FSTL4: variants seen among roughly 807,000 people sequenced by gnomAD.
FSTL4 encodes follistatin like 4.
A neutral mutation model predicts 78.2 loss-of-function variants in FSTL4; 28 were observed. The ratio of observed to expected loss-of-function variants is 0.36; its 90% confidence interval spans 0.27 to 0.49. The LOEUF is 0.49. Among genes scored for constraint, FSTL4 ranks in the 20% least tolerant of loss-of-function variants. The probability of loss-of-function intolerance (pLI) is 0.98; values close to 1 mark genes in which losing one functional copy is unlikely to be tolerated. For missense variants in FSTL4, 922 were observed against 1,084.9 expected (o/e 0.85, Z 2.11); for synonymous variants, 422 against 440.5 (o/e 0.96, Z 0.53).
chr5:133,763,835 C>T, the FSTL4 span, among the ~76,000 whole-genome samples: 1 of 152,232 alleles, frequency 6.6e-6, no homozygotes, highest in Non-Finnish European at 1.5e-5. Context: ...CCTGACCCTT[C>T]TCCACCTCTG....
intron 3 of FSTL4, among the ~76,000 whole-genome samples, chr5:133,483,622 G>A (rs572441183): frequency 1.3e-5 from 2 of 152,344 alleles, no homozygotes; most frequent in African/African-American, 4.8e-5. Flanking sequence ...CCAAGGCCAG[G>A]TCATGATCCA....
chr5:133,666,537 G>T, the FSTL4 span, among the ~76,000 whole-genome samples: 1 of 150,756 alleles, frequency 6.6e-6, no homozygotes, highest in Admixed American at 6.6e-5. Flanking sequence ...ATGGTTAAAG[G>T]ATATTTAAAA....
intron 3 of FSTL4, among the ~76,000 whole-genome samples, chr5:133,547,062 A>C (rs940642953): frequency 5.3e-5 from 8 of 152,320 alleles, no homozygotes; most frequent in Admixed American, 3.9e-4. Flanking sequence ...GAATGGAATC[A>C]CCATAAAGAC....
chr5:133,687,928 A>G, the FSTL4 span, among the ~76,000 whole-genome samples: 1 of 152,208 alleles, frequency 6.6e-6, no homozygotes, highest in Admixed American at 6.5e-5. Context: ...CCCAGGTCCC[A>G]GATGGCTCAC....
chr5:133,455,245 C>G (rs1169573919), intron 3 of FSTL4, among the ~76,000 whole-genome samples: 1 of 152,198 alleles, frequency 6.6e-6, no homozygotes, highest in Non-Finnish European at 1.5e-5. Flanking sequence ...GGCTCCTCTT[C>G]TTGGTACTTC....
At chr5:133,321,048 A>T (rs1324997860) in intron 4 of FSTL4, among the ~76,000 whole-genome samples, 1 of 151,020 alleles carries the variant, frequency 6.6e-6, no homozygotes, top group African/African-American at 2.4e-5. Context: ...TTTGGGCAAG[A>T]AAGTGTCAAC....
chr5:133,834,928 G>A, the FSTL4 span, among the ~76,000 whole-genome samples: 1 of 151,974 alleles, frequency 6.6e-6, no homozygotes. Flanking sequence ...AGGGTTATGA[G>A]TGAATTTTTT....
upstream of FSTL4, among the ~76,000 whole-genome samples, chr5:133,615,800 T>C (rs1761189130): frequency 6.6e-6 from 1 of 152,188 alleles, no homozygotes; most frequent in African/African-American, 2.4e-5. Context: ...AGCATGGAGA[T>C]AAGGTATTCA....
chr5:133,398,415 G>T (rs1401092895), intron 4 of FSTL4, among the ~76,000 whole-genome samples: 1 of 152,126 alleles, frequency 6.6e-6, no homozygotes, highest in Non-Finnish European at 1.5e-5. Flanking sequence ...AGCAATGAGT[G>T]TCTGCCTGAC....
intron 4 of FSTL4, among the ~76,000 whole-genome samples, chr5:133,358,721 T>A (rs370879084): frequency 6.7e-6 from 1 of 150,156 alleles, no homozygotes; most frequent in East Asian, 2.0e-4. Context: ...TGCCTCAGCC[T>A]CCTGAGTAGC....
At chr5:133,265,579 A>G (rs993427651) in intron 6 of FSTL4, among the ~76,000 whole-genome samples, 1 of 152,284 alleles carries the variant, frequency 6.6e-6, no homozygotes, top group Admixed American at 6.5e-5. Context: ...AATGATCACA[A>G]AGGTAGGGGT....
intron 4 of FSTL4, among the ~76,000 whole-genome samples, chr5:133,347,601 C>T (rs1754724661): frequency 6.6e-6 from 1 of 152,162 alleles, no homozygotes; most frequent in African/African-American, 2.4e-5. Flanking sequence ...TCAAGTGATC[C>T]ACCCACCTTG....
chr5:133,375,280 G>T (rs1755401652), intron 4 of FSTL4, among the ~76,000 whole-genome samples: 1 of 32,228 alleles, frequency 3.1e-5, no homozygotes, highest in Non-Finnish European at 1.1e-4. Flanking sequence ...CAAAACATAG[G>T]GTGTGCATGG....
At chr5:133,307,355 C>T (rs76477032) in intron 6 of FSTL4, among the ~76,000 whole-genome samples, 17,771 of 152,174 alleles carry the variant, frequency 0.12, 1,224 homozygotes, top group East Asian at 0.27. Flanking sequence ...TTCTCTTCAA[C>T]GGAGAATGCA....
At chr5:133,222,806 TCTC>T (rs1430974192) in intron 11 of FSTL4, among the ~76,000 whole-genome samples, 6 of 152,316 alleles carry the variant, frequency 3.9e-5, no homozygotes, top group East Asian at 1.9e-4. Flanking sequence ...TTTTGTCTGT[TCTC>T]CTCTCATTTC....
the FSTL4 span, among the ~76,000 whole-genome samples, chr5:133,666,383 T>C: frequency 6.6e-6 from 1 of 152,238 alleles, no homozygotes; most frequent in African/African-American, 2.4e-5. Flanking sequence ...TGAATTCTGA[T>C]ACTTTTCTCC....
chr5:133,661,461 A>T, the FSTL4 span, among the ~76,000 whole-genome samples: 1 of 152,242 alleles, frequency 6.6e-6, no homozygotes, highest in Non-Finnish European at 1.5e-5. Flanking sequence ...GGTACTTAAT[A>T]AAAGCTCAAA....
chr5:133,196,773 C>T lies in FSTL4; in HGVS notation c.*2322G>A, dbSNP rs1259847684. 3.3e-5 allele frequency: 5 copies of T among 151,050 alleles called. No homozygotes were observed. The highest frequency in any genetic ancestry group is 1.2e-4 in the African/African-American group (5 of 41,262). The allele number at this position is 151,050 out of a possible 1,614,324, so 9.4% of individuals were successfully genotyped here. ...CACCCCTGACTCCCCACCCAACCAA[C>T]TCTATTGGTTTTCCTGCCAAAAGGC... On this transcript the variant is annotated 3_prime_UTR_variant, in exon 16 of 16. Transcript: ENST00000265342.
At chr5:133,246,262 G>A (rs1561641446) in intron 7 of FSTL4, among the ~76,000 whole-genome samples, 1 of 152,186 alleles carries the variant, frequency 6.6e-6, no homozygotes, top group South Asian at 2.1e-4. Flanking sequence ...GGGACTCTGG[G>A]AGCCTCATCA....
Sources: allele counts gnomAD v4.1 joint callset (sites outside exome capture counted in the v4.1 genomes callset), GRCh38; gene constraint gnomAD v4.1.1; transcripts MANE v1.5; gene names NCBI Gene and HGNC (gene_info 2026-07-23, HGNC 2026-07-21).